MGAT4A: variants seen among roughly 807,000 people sequenced by gnomAD.
The protein encoded by MGAT4A is N-acetylglucosaminyltransferase IVa.
A neutral mutation model predicts 74.1 loss-of-function variants in MGAT4A; 33 were observed. The observed-to-expected ratio is 0.45, with a 90% CI of 0.34 to 0.60. The LOEUF (loss-of-function observed/expected upper bound fraction) is 0.60. Among genes scored for constraint, MGAT4A ranks in the 20% least tolerant of loss-of-function variants. MGAT4A has a pLI of 0.02. For missense variants in MGAT4A, 479 were observed against 628.3 expected (o/e 0.76, Z 2.54); for synonymous variants, 198 against 210.4 (o/e 0.94, Z 0.51).
At chr2:98,667,166 C>T (rs1701844972) in intron 4 of MGAT4A, among the ~76,000 whole-genome samples, 1 of 152,196 alleles carries the variant, frequency 6.6e-6, no homozygotes, top group African/African-American at 2.4e-5. Context: ...GATTGTGAGG[C>T]CTCCCTAGCC....
At chr2:98,718,343 A>C (rs1261595593) in intron 2 of MGAT4A, among the ~76,000 whole-genome samples, 1 of 152,236 alleles carries the variant, frequency 6.6e-6, no homozygotes, top group African/African-American at 2.4e-5. Context: ...CTTCCAACGC[A>C]ACAGCATAAG....
rs764006848 is a variant in MGAT4A, at chr2:98,723,225, G to T, written c.94+3014C>A. On this transcript the variant is annotated intron_variant, in intron 2 of 15. Coordinates refer to ENST00000393487, the MANE Select transcript of MGAT4A (RefSeq NM_012214.3). ...AACTGTACTTGTAAGATTCTCCCCA[G>T]GGCCTGAAAGCTTAAGGAGATGAAT... 1.4e-4 allele frequency among the ~76,000 whole-genome samples: 22 copies of T among 152,190 alleles called. No individual in the cohort carries two copies. The South Asian group carries it at 2.5e-3, about 17-fold the overall frequency.
chr2:98,621,471 CTT>C lies in MGAT4A; in HGVS notation c.*4093_*4094del, dbSNP rs1233143470. On this transcript the variant is annotated 3_prime_UTR_variant, in exon 16 of 16. Transcript: ENST00000393487. Reference sequence around the variant, plus strand: ...TGCCTGAGGTCCTTCTGCTTTGTCTCTTGACTTCTGCCACCAGCCCGAGAAAA... The same window carrying C: ...TGCCTGAGGTCCTTCTGCTTTGTCTCGACTTCTGCCACCAGCCCGAGAAAA... The C allele has an allele frequency of 2.6e-6, 4 of 1,551,562 alleles. No individual in the cohort carries two copies. The highest frequency in any genetic ancestry group is 2.7e-5 in the African/African-American group (2 of 73,038).
chr2:98,730,561 C>T (rs1408234629), intron 1 of MGAT4A, among the ~76,000 whole-genome samples: 1 of 151,674 alleles, frequency 6.6e-6, no homozygotes, highest in African/African-American at 2.4e-5. Context: ...TGCCCCGCGG[C>T]CCCCGCGAAA....
At chr2:98,674,648 A>G (rs1489313966) in intron 4 of MGAT4A, among the ~76,000 whole-genome samples, 2 of 152,238 alleles carry the variant, frequency 1.3e-5, no homozygotes, top group Non-Finnish European at 2.9e-5. Context: ...CTATCTACTT[A>G]CACCTCTGTA....
In MGAT4A at chr2:98,635,180, A is replaced by C. The variant is rs769236748; in HGVS notation, c.1468+42T>G. 47 of 1,436,716 alleles carry C rather than the reference A, an allele frequency of 3.3e-5. No homozygotes were observed. The South Asian group carries it at 5.4e-4, about 17-fold the overall frequency. 89.0% of individuals were successfully genotyped at this position (1,436,716 alleles called of 1,614,324 possible). On this transcript the variant is annotated intron_variant, in intron 14 of 15. Coordinates refer to ENST00000393487, the MANE Select transcript of MGAT4A (RefSeq NM_012214.3). ...AGAACTGAAAAGTACTTTAGGAGTA[A>C]GTCCAGAAAAATAAAGGCCATTTTA... is the stretch of plus-strand genomic sequence containing the variant.
chr2:98,659,527 C>T (rs1313367630), intron 5 of MGAT4A, among the ~76,000 whole-genome samples: 1 of 152,144 alleles, frequency 6.6e-6, no homozygotes, highest in Non-Finnish European at 1.5e-5. Flanking sequence ...AGTCTCATCT[C>T]GAATTGTAGC....
At chr2:98,727,249 G>A (rs1702778181) in intron 1 of MGAT4A, among the ~76,000 whole-genome samples, 1 of 152,156 alleles carries the variant, frequency 6.6e-6, no homozygotes, top group Admixed American at 6.5e-5. Context: ...AGAAAATGCA[G>A]CAATCCAGCC....
At chr2:98,664,725 C>T (rs556114572) in intron 4 of MGAT4A, among the ~76,000 whole-genome samples, 43 of 152,240 alleles carry the variant, frequency 2.8e-4, no homozygotes, top group Middle Eastern at 3.4e-3. Flanking sequence ...ATTTAACTTG[C>T]GAAAAACTGT....
At chr2:98,674,202 A>G (rs529955846) in intron 4 of MGAT4A, among the ~76,000 whole-genome samples, 1 of 152,266 alleles carries the variant, frequency 6.6e-6, no homozygotes, top group Non-Finnish European at 1.5e-5. Flanking sequence ...AATCAAAAGT[A>G]GACCCAGCTT....
intron 4 of MGAT4A, among the ~76,000 whole-genome samples, chr2:98,663,854 T>G (rs1443822789): frequency 6.6e-6 from 1 of 152,170 alleles, no homozygotes; most frequent in African/African-American, 2.4e-5. Flanking sequence ...GCATCAACGT[T>G]AACTTCCTGG....
chr2:98,692,223 T>C (rs1702205842), intron 2 of MGAT4A, among the ~76,000 whole-genome samples: 1 of 151,936 alleles, frequency 6.6e-6, no homozygotes, highest in Non-Finnish European at 1.5e-5. Context: ...GCCTCCAGAG[T>C]AGCTGAAGTA....
In MGAT4A at chr2:98,625,310, C is replaced by A; in HGVS notation, c.*256G>T. On this transcript the variant is annotated 3_prime_UTR_variant, in exon 16 of 16. Transcript: ENST00000393487. ...ACAACTCTTATGTATTAGTATAATACCAAAATAGTACAAGTCATATTAACA... is the reference window on the plus strand; with the variant it reads ...ACAACTCTTATGTATTAGTATAATAACAAAATAGTACAAGTCATATTAACA... The A allele has an allele frequency of 8.2e-7, 1 of 1,216,494 alleles. No homozygotes were observed. Among genetic ancestry groups the A allele is most frequent in the African/African-American group, 1.6e-5 (1 of 64,130 alleles). 75.4% of individuals were successfully genotyped at this position (1,216,494 alleles called of 1,614,324 possible). A position where few individuals can be genotyped will look rare whatever the true frequency, so the allele number is the denominator to read the frequency against.
In MGAT4A at chr2:98,678,249, A is replaced by AAAAAAATATAT. The variant is rs67023324; in HGVS notation, c.262+54_262+55insATATATTTTTT. 2,607 of 263,016 alleles carry AAAAAAATATAT rather than the reference A, an allele frequency of 9.9e-3. 37 individuals are homozygous for AAAAAAATATAT. The highest frequency in any genetic ancestry group is 0.02 in the Admixed American group (243 of 12,000). The allele number at this position is 263,016 out of a possible 1,614,324, so 16.3% of individuals were successfully genotyped here. A position where few individuals can be genotyped will look rare whatever the true frequency, so the allele number is the denominator to read the frequency against. On this transcript the variant is annotated intron_variant, in intron 3 of 15. Coordinates refer to ENST00000393487, the MANE Select transcript of MGAT4A (RefSeq NM_012214.3). ...TGTCTCAAAGAAAAAAAAAAAAAAAAATATATATATATATATATAAAATCT... is the reference window on the plus strand; with the variant it reads ...TGTCTCAAAGAAAAAAAAAAAAAAAAAAAAAATATATATATATATATATATATATAAAATCT...
chr2:98,711,407 A>G (rs1356440909), intron 2 of MGAT4A, among the ~76,000 whole-genome samples: 1 of 152,096 alleles, frequency 6.6e-6, no homozygotes, highest in African/African-American at 2.4e-5. Flanking sequence ...GAAGACACTC[A>G]CTTTTTTATT....
At chr2:98,660,832 G>A (rs1288457383) in intron 5 of MGAT4A, among the ~76,000 whole-genome samples, 1 of 152,074 alleles carries the variant, frequency 6.6e-6, no homozygotes, top group Non-Finnish European at 1.5e-5. Flanking sequence ...AAACATAAGG[G>A]AAAAACTACA....
chr2:98,630,951 A>T (rs1408323139), intron 14 of MGAT4A, among the ~76,000 whole-genome samples: 1 of 152,190 alleles, frequency 6.6e-6, no homozygotes, highest in Non-Finnish European at 1.5e-5. Context: ...AGAAAAAGTG[A>T]AGGAAATTAC....
chr2:98,648,823 G>C (rs559605635), intron 8 of MGAT4A, among the ~76,000 whole-genome samples: 1 of 151,582 alleles, frequency 6.6e-6, no homozygotes, highest in South Asian at 2.1e-4. Context: ...TTGAGGCCGG[G>C]AGTTCAAGAC....
Position 98,651,651 on chromosome 2 carries a change from T to C in MGAT4A, c.774+3794A>G, listed in dbSNP as rs114912467. ...AAGAAAGCAGCAAGAGAGGAAAAGATAGACAAAAAGTTCCAAGACATACAA... is the reference window on the plus strand; with the variant it reads ...AAGAAAGCAGCAAGAGAGGAAAAGACAGACAAAAAGTTCCAAGACATACAA... On this transcript the variant is annotated intron_variant, in intron 8 of 15. Coordinates refer to ENST00000393487, the MANE Select transcript of MGAT4A (RefSeq NM_012214.3). Among the ~76,000 whole-genome samples, 1,051 of 152,134 alleles carry C rather than the reference T, an allele frequency of 6.9e-3. 16 individuals carry two copies. Among genetic ancestry groups the C allele is most frequent in the African/African-American group, 0.023 (953 of 41,518 alleles).
Sources: allele counts gnomAD v4.1 joint callset (sites outside exome capture counted in the v4.1 genomes callset), GRCh38; gene constraint gnomAD v4.1.1; transcripts MANE v1.5; gene names NCBI Gene and HGNC (gene_info 2026-07-23, HGNC 2026-07-21).